The following PCYT1B variants were observed in gnomAD, a reference collection of about 807,000 sequenced individuals.
The protein encoded by PCYT1B is choline-phosphate cytidylyltransferase B.
PCYT1B carries 10 observed loss-of-function variants against 26.4 expected under a neutral mutation model. The ratio of observed to expected loss-of-function variants is 0.38; its 90% CI spans 0.23 to 0.64. The LOEUF is 0.64. Among genes scored for constraint, PCYT1B ranks in the 30% least tolerant of loss-of-function variants. PCYT1B has a pLI of 0.56. For synonymous variants in PCYT1B, 131 were observed against 108.4 expected (o/e 1.21, Z -1.29); for missense variants, 161 against 292.7 (o/e 0.55, Z 3.28).
chrX:24,614,096 A>G (rs887268500), intron 2 of PCYT1B, among the ~76,000 whole-genome samples: 1 of 111,895 alleles, frequency 8.9e-6, no homozygotes, highest in African/African-American at 3.2e-5. Flanking sequence ...TTCTCCATGC[A>G]TCAGAATACA....
At chrX:24,616,245 TTTTTTTTAA>T in intron 2 of PCYT1B, among the ~76,000 whole-genome samples, 1 of 93,375 alleles carries the variant, frequency 1.1e-5, no homozygotes, top group South Asian at 5.5e-4. Context: ...TTTTTTTTTT[TTTTTTTTAA>T]AAAAACAGAG....
chrX:24,593,437 CTTT>C (rs1924645127), intron 3 of PCYT1B, among the ~76,000 whole-genome samples: 1 of 73,792 alleles, frequency 1.4e-5, no homozygotes, highest in Non-Finnish European at 2.5e-5. Context: ...TCTTTCCTTT[CTTT>C]CTTTCTTTTC....
intron 1 of PCYT1B, among the ~76,000 whole-genome samples, chrX:24,622,501 T>G (rs1188039619): frequency 8.9e-6 from 1 of 112,414 alleles, no homozygotes; most frequent in Non-Finnish European, 1.9e-5. Flanking sequence ...CTGAACTAAC[T>G]TCACCATTTG....
At chrX:24,594,087 G>C (rs920376388) in intron 3 of PCYT1B, among the ~76,000 whole-genome samples, 2 of 111,471 alleles carry the variant, frequency 1.8e-5, no homozygotes, top group African/African-American at 6.5e-5. Context: ...CAGTGAGTCT[G>C]TAGTGGGGCC....
intron 3 of PCYT1B, among the ~76,000 whole-genome samples, chrX:24,602,352 G>T (rs1924994340): frequency 8.9e-6 from 1 of 112,179 alleles, no homozygotes; most frequent in African/African-American, 3.2e-5. Flanking sequence ...GAGATGAATA[G>T]GTAGAGCATA....
intron 1 of PCYT1B, among the ~76,000 whole-genome samples, chrX:24,672,181 A>G (rs1927269660): frequency 8.9e-6 from 1 of 112,340 alleles, no homozygotes; most frequent in Admixed American, 9.4e-5. Context: ...AGGAATGGGT[A>G]TTCTAATCAG....
intron 3 of PCYT1B, among the ~76,000 whole-genome samples, chrX:24,593,315 G>A (rs1477394767): frequency 9.2e-6 from 1 of 109,213 alleles, no homozygotes; most frequent in African/African-American, 3.3e-5. Flanking sequence ...TTATCTACAG[G>A]TTCCTTCTTT....
At position 24,644,719 on chromosome X, in the gene PCYT1B, G is replaced by A. The variant is rs534395833; in HGVS notation, c.117+2270C>T. ...GTGTAGAGCACATTGCCAGCTTTGCGTGGTTCTTGTGAGTTACCACCTGGA... is the reference window on the plus strand; with the variant it reads ...GTGTAGAGCACATTGCCAGCTTTGCATGGTTCTTGTGAGTTACCACCTGGA... On this transcript the variant is annotated intron_variant, in intron 1 of 7. Transcript: ENST00000379144. Among the ~76,000 whole-genome samples the A allele has an allele frequency of 9.0e-5, 10 of 111,005 alleles. No homozygotes were observed. The South Asian group carries it at 2.3e-3, about 26-fold the overall frequency.
intron 7 of PCYT1B, among the ~76,000 whole-genome samples, chrX:24,574,174 A>G (rs1923946067): frequency 8.9e-6 from 1 of 111,953 alleles, no homozygotes; most frequent in Admixed American, 9.6e-5. Flanking sequence ...AATCCAGGCT[A>G]CTTAAAATCA....
At chrX:24,632,649 G>A (rs1302214028) in intron 1 of PCYT1B, 1 of 115,252 alleles carries the variant, frequency 8.7e-6, no homozygotes, top group East Asian at 2.8e-4. Flanking sequence ...AGCCACTTAA[G>A]CCAGGTATAG....
chrX:24,657,918 T>C (rs1220212719), intron 1 of PCYT1B: 2 of 112,130 alleles, frequency 1.8e-5, no homozygotes, highest in Non-Finnish European at 3.8e-5. Flanking sequence ...TTTTTGACAC[T>C]GTTATCAAAT....
upstream of PCYT1B, among the ~76,000 whole-genome samples, chrX:24,649,600 T>C (rs1270839384): frequency 8.9e-6 from 1 of 112,008 alleles, no homozygotes; most frequent in African/African-American, 3.2e-5. Flanking sequence ...AATGAGAGGT[T>C]CACCTGTTCA....
At position 24,646,768 on chromosome X, in the gene PCYT1B, C is replaced by A. The variant is rs775062228; in HGVS notation, c.117+221G>T. ...GCACAAAAACACAGCATATCCCAAGCAGCCCGTTTCCTACCCAGCCAATAC... is the reference window on the plus strand; with the variant it reads ...GCACAAAAACACAGCATATCCCAAGAAGCCCGTTTCCTACCCAGCCAATAC... On this transcript the variant is annotated intron_variant, in intron 1 of 7. Transcript: ENST00000379144. Among the ~76,000 whole-genome samples the A allele has an allele frequency of 4.5e-5, 5 of 111,559 alleles. No homozygotes were observed. In the South Asian group the frequency reaches 1.5e-3, roughly 34 times the overall value.
At chrX:24,649,831 T>A (rs928904572), upstream of PCYT1B, among the ~76,000 whole-genome samples, 7 of 112,423 alleles carry the variant, frequency 6.2e-5, no homozygotes, top group African/African-American at 1.6e-4. Flanking sequence ...TGCTACTTTG[T>A]GCTAAGTCCG....
At chrX:24,599,865 C>A (rs1439216769) in intron 3 of PCYT1B, among the ~76,000 whole-genome samples, 1 of 111,575 alleles carries the variant, frequency 9.0e-6, no homozygotes, top group South Asian at 3.7e-4. Context: ...CCAATAGATG[C>A]ATTAAAGTGA....
rs779316769 is a variant in PCYT1B at position 24,637,509 on chromosome X, T to TATATATATAAATAA, written c.117+9479_117+9480insTTATTTATATATAT. 1.5e-3 allele frequency among the ~76,000 whole-genome samples: 96 copies of TATATATATAAATAA among 64,063 alleles called. 5 individuals are homozygous for TATATATATAAATAA. The highest frequency in any genetic ancestry group is 8.6e-3 in the African/African-American group (87 of 10,140). The allele number at this position is 64,063 out of a possible 115,157, so 55.6% of individuals were successfully genotyped here. A position where few individuals can be genotyped will look rare whatever the true frequency, so the allele number is the denominator to read the frequency against. Reference sequence around the variant, plus strand: ...AAAAAAAAATATATATATATATATATATAAATTAGCTGAGCGTGGTGGCGT... The same window carrying TATATATATAAATAA: ...AAAAAAAAATATATATATATATATATATATATATAAATAAATAAATTAGCTGAGCGTGGTGGCGT... On this transcript the variant is annotated intron_variant, in intron 1 of 7. Coordinates refer to ENST00000379144, the MANE Select transcript of PCYT1B (RefSeq NM_004845.5).
At chrX:24,596,274 G>T (rs1924775365) in intron 3 of PCYT1B, among the ~76,000 whole-genome samples, 1 of 111,573 alleles carries the variant, frequency 9.0e-6, no homozygotes, top group Non-Finnish European at 1.9e-5. Flanking sequence ...AATTATTACT[G>T]GCTACATGCT....
chrX:24,653,437 C>T (rs1338224874), intron 1 of PCYT1B, among the ~76,000 whole-genome samples: 1 of 111,404 alleles, frequency 9.0e-6, no homozygotes, highest in Non-Finnish European at 1.9e-5. Context: ...GCCCATATCC[C>T]CAAGAGCTCT....
At chrX:24,623,028 G>C (rs148007417) in intron 1 of PCYT1B, among the ~76,000 whole-genome samples, 186 of 111,620 alleles carry the variant, frequency 1.7e-3, no homozygotes, top group African/African-American at 5.7e-3. Context: ...GTGTTTATTA[G>C]CACATGATAC....
Sources: gnomAD v4.1 joint callset for allele counts (sites outside exome capture counted in the v4.1 genomes callset) on GRCh38, gnomAD v4.1.1 for gene constraint, MANE v1.5 for transcripts, NCBI Gene and HGNC (gene_info 2026-07-23, HGNC 2026-07-21) for gene names.